TG: variants seen among roughly 807,000 people sequenced by gnomAD.
TG encodes the protein thyroglobulin, also known as thyroid hormones.
A neutral mutation model predicts 324.7 loss-of-function variants in TG; 270 were observed. That is an observed-to-expected ratio of 0.83 (90% CI 0.75 to 0.92). TG has a LOEUF of 0.92. Among genes scored for constraint, TG ranks in the 40% least tolerant of loss-of-function variants. The pLI is 0.00. For synonymous variants in TG, 1,401 were observed against 1,327.0 expected, an observed-to-expected ratio of 1.06 and a Z score of -1.21; for missense variants, 3,591 against 3,456.4, an observed-to-expected ratio of 1.04 and a Z score of -0.98.
rs1041983889 is a variant in TG at position 132,995,594 on chromosome 8, A to C, written c.6262+12182A>C. ...CCACGCACCCAGGATCATGCATGTG[A>C]CCCCATGAAAGAGGAGTTCAGATGC... On this transcript the variant is annotated intron_variant, in intron 35 of 47. Coordinates refer to ENST00000220616, the MANE Select transcript of TG (RefSeq NM_003235.5). 11 of 899,260 alleles carry C rather than the reference A, an allele frequency of 1.2e-5. No homozygotes were observed. The African/African-American group carries it at 2.0e-4, about 16-fold the overall frequency. 55.7% of individuals were successfully genotyped at this position (899,260 alleles called of 1,614,324 possible).
intron 29 of TG, chr8:132,964,995 G>T (rs1828340715): frequency 2.9e-6 from 2 of 697,132 alleles, no homozygotes; most frequent in Non-Finnish European, 5.2e-6. Flanking sequence ...CTGAGAGCAG[G>T]TGTGCCTTCA....
intron 25 of TG, among the ~76,000 whole-genome samples, chr8:132,938,400 A>G (rs1159632544): frequency 6.6e-6 from 1 of 152,138 alleles, no homozygotes; most frequent in Non-Finnish European, 1.5e-5. Flanking sequence ...TTTAGAGATT[A>G]TCTAGCCCAA....
At chr8:133,131,342 G>A (rs1423330919) in intron 45 of TG, among the ~76,000 whole-genome samples, 1 of 152,138 alleles carries the variant, frequency 6.6e-6, no homozygotes, top group East Asian at 1.9e-4. Context: ...TGCTGCGGTG[G>A]GCTTCATGGA....
chr8:132,963,039 AC>A lies in TG; in HGVS notation c.5514del (p.Asp1838GlufsTer14). ...CCTGAGTCTATGGGATGTAGAAAAG[AC>A]ACAGTGCCAAGGCCAGCATCTCCAA... ...SRPESMGCRK[D>X]TVPRPASPTE... On this transcript the variant is annotated frameshift_variant, in exon 29 of 48. Coordinates refer to ENST00000220616, the MANE Select transcript of TG (RefSeq NM_003235.5). LOFTEE classifies it high-confidence loss of function. The A allele has an allele frequency of 6.2e-7, 1 of 1,614,044 alleles. No homozygotes were observed. The highest frequency in any genetic ancestry group is 8.5e-7 in the Non-Finnish European group (1 of 1,179,910).
At position 133,034,648 on chromosome 8, in the gene TG, A is replaced by G. The variant is rs553644238; in HGVS notation, c.7239+4625A>G. On this transcript the variant is annotated intron_variant, in intron 41 of 47. Transcript: ENST00000220616. ...AGCAGCTTAGTGGATAAAAAAGTTC[A>G]TTTTCTTTTTTCTTTCTCTCTCTCT... Among the ~76,000 whole-genome samples, 21 of 152,152 alleles carry G rather than the reference A, an allele frequency of 1.4e-4. 1 individual carries two copies. The South Asian group carries it at 4.2e-3, about 30-fold the overall frequency.
At chr8:133,123,763 G>A (rs1274697382) in intron 45 of TG, among the ~76,000 whole-genome samples, 1 of 152,232 alleles carries the variant, frequency 6.6e-6, no homozygotes, top group African/African-American at 2.4e-5. Context: ...AGCAAGTGTA[G>A]AAGAGAGCAC....
intron 41 of TG, chr8:133,050,014 C>T (rs1375976410): frequency 5.4e-6 from 8 of 1,487,690 alleles, no homozygotes; most frequent in South Asian, 4.5e-5. Flanking sequence ...CAGAGAAGAA[C>T]ACAGAGATAG....
At chr8:132,990,910 G>A (rs1832235766) in intron 35 of TG, among the ~76,000 whole-genome samples, 2 of 136,218 alleles carry the variant, frequency 1.5e-5, no homozygotes, top group Non-Finnish European at 3.2e-5. Flanking sequence ...TTAGTAGGAA[G>A]GCCAGTTTTT....
chr8:133,090,370 A>C (rs570527290), intron 41 of TG, among the ~76,000 whole-genome samples: 1 of 152,334 alleles, frequency 6.6e-6, no homozygotes, highest in South Asian at 2.1e-4. Context: ...GAAAAGACAT[A>C]GTCCTTCCTA....
At chr8:132,912,107 G>A (rs1008043500) in intron 19 of TG, among the ~76,000 whole-genome samples, 3 of 152,304 alleles carry the variant, frequency 2.0e-5, no homozygotes, top group South Asian at 2.1e-4. Flanking sequence ...AAACATCCAG[G>A]GGCAGGACTG....
At chr8:133,104,510 C>T (rs1434808047) in intron 43 of TG, among the ~76,000 whole-genome samples, 4 of 152,138 alleles carry the variant, frequency 2.6e-5, no homozygotes, top group Admixed American at 6.5e-5. Flanking sequence ...ATATATCTCG[C>T]GTTGGCAGCT....
At chr8:132,908,957 C>G (rs1056713884) in intron 18 of TG, among the ~76,000 whole-genome samples, 6 of 152,264 alleles carry the variant, frequency 3.9e-5, no homozygotes, top group Admixed American at 3.9e-4. Flanking sequence ...TGGGCACATA[C>G]TTAGTGTGAG....
At chr8:133,011,474 C>G (rs1202122027) in intron 35 of TG, among the ~76,000 whole-genome samples, 1 of 152,176 alleles carries the variant, frequency 6.6e-6, no homozygotes, top group Non-Finnish European at 1.5e-5. Context: ...CTGATAGCAA[C>G]TGGTGTAGTG....
chr8:133,000,053 C>T (rs1445376247), intron 35 of TG, among the ~76,000 whole-genome samples: 1 of 152,182 alleles, frequency 6.6e-6, no homozygotes, highest in East Asian at 1.9e-4. Context: ...CCCTGTTTTA[C>T]AAGTGACAGC....
At chr8:133,077,510 T>C (rs1165521624) in intron 41 of TG, among the ~76,000 whole-genome samples, 1 of 152,102 alleles carries the variant, frequency 6.6e-6, no homozygotes, top group Non-Finnish European at 1.5e-5. Context: ...TTTGAGAAAG[T>C]GTTCCTCATA....
chr8:132,911,675 A>C, intron 19 of TG, 142 bp downstream of exon 19: 1 of 716,334 alleles, frequency 1.4e-6, no homozygotes, highest in South Asian at 1.7e-5. Flanking sequence ...ATTTAAAAAC[A>C]TATAATAATC....
At chr8:133,069,203 C>T (rs4736622) in intron 41 of TG, among the ~76,000 whole-genome samples, 29,538 of 152,218 alleles carry the variant, frequency 0.19, 3,170 homozygotes, top group Non-Finnish European at 0.24. Context: ...CTATAAAGTC[C>T]GTGATTTCTT....
chr8:132,990,158 TTA>T (rs10536232), intron 35 of TG, among the ~76,000 whole-genome samples: 61,181 of 141,476 alleles, frequency 0.43, 14,465 homozygotes, highest in Non-Finnish European at 0.54. Context: ...AGCTATACAA[TTA>T]TATATATATA....
chr8:132,906,417 G>A (rs1563937095), intron 16 of TG, among the ~76,000 whole-genome samples: 1 of 151,978 alleles, frequency 6.6e-6, no homozygotes, highest in South Asian at 2.1e-4. Context: ...ATGAGAAGAA[G>A]CTCGAGTGCC....
Sources: gnomAD v4.1 joint callset for allele counts (sites outside exome capture counted in the v4.1 genomes callset) on GRCh38, gnomAD v4.1.1 for gene constraint, MANE v1.5 for transcripts, NCBI Gene and HGNC (gene_info 2026-07-23, HGNC 2026-07-21) for gene names.